The following HEATR6 variants were observed in gnomAD, a reference collection of about 807,000 sequenced individuals.
HEATR6 encodes HEAT repeat-containing protein 6.
A neutral mutation model predicts 132.8 loss-of-function variants in HEATR6; 106 were observed. That is an observed-to-expected ratio of 0.80 (90% CI 0.68 to 0.94). HEATR6 has a LOEUF of 0.94. Ranked by LOEUF, HEATR6 falls within the 40% of genes least tolerant of loss-of-function variation. The pLI is 0.00. For missense variants in HEATR6, 1,339 were observed against 1,425.1 expected, an observed-to-expected ratio of 0.94 and a Z score of 0.97; for synonymous variants, 529 against 537.8, an observed-to-expected ratio of 0.98 and a Z score of 0.23.
chr17:60,044,113 T>C lies in HEATR6; in HGVS notation c.2996A>G (p.Gln999Arg), dbSNP rs370233795. The change falls in exon 20 of 20, where the codon CAG (glutamine) becomes CGG (arginine). Residue 999 changes from glutamine (Q) to arginine (R), a missense_variant. Coordinates refer to ENST00000184956, the MANE Select transcript of HEATR6 (RefSeq NM_022070.5). The part of the protein sequence containing the change: ...LPLGTAPWTS[Q>R]AYNALTSVVT... ...GACCGATGTCAGGGCATTGTAGGCC[T>C]GGGAGGTCCATGGGGCTGTCCCTAG... 74 of 1,611,640 alleles carry C rather than the reference T, an allele frequency of 4.6e-5. No individual in the cohort carries two copies. Among genetic ancestry groups the C allele is most frequent in the Non-Finnish European group, 5.6e-5 (66 of 1,178,736 alleles).
At chr17:60,065,651 A>G (rs1175232136) in intron 9 of HEATR6, among the ~76,000 whole-genome samples, 1 of 152,202 alleles carries the variant, frequency 6.6e-6, no homozygotes, top group Non-Finnish European at 1.5e-5. Flanking sequence ...TCTTCTTTTT[A>G]AAAATAAGTT....
intron 7 of HEATR6, 24 bp from the exon 8 acceptor site, chr17:60,067,756 CAT>C (rs2083249941): frequency 6.3e-7 from 1 of 1,577,918 alleles, no homozygotes; most frequent in African/African-American, 1.4e-5. Flanking sequence ...CAAATGAAGA[CAT>C]ATATAATAAC....
chr17:60,067,764 A>T (rs780269650), intron 7 of HEATR6, 32 bp from the exon 8 acceptor site: 12 of 1,549,340 alleles, frequency 7.7e-6, no homozygotes, highest in Admixed American at 1.9e-5. Context: ...GACATATATA[A>T]TAACTACTTC....
intron 2 of HEATR6, 131 bp from the exon 3 acceptor site, chr17:60,074,017 G>A: frequency 7.1e-7 from 1 of 1,415,498 alleles, no homozygotes; most frequent in Non-Finnish European, 9.2e-7. Context: ...GTGTCAAAAG[G>A]ATCACCTCTA....
At chr17:60,050,569 A>C (rs1906543374) in intron 15 of HEATR6, among the ~76,000 whole-genome samples, 1 of 152,198 alleles carries the variant, frequency 6.6e-6, no homozygotes, top group African/African-American at 2.4e-5. Flanking sequence ...TTTGGATATG[A>C]AATCTTCCTG....
intron 7 of HEATR6, 145 bp from the exon 8 acceptor site, chr17:60,067,877 T>A: frequency 3.0e-6 from 2 of 656,546 alleles, no homozygotes; most frequent in Non-Finnish European, 2.5e-6. Context: ...GAAAAAAGTG[T>A]AACTTCATTA....
In HEATR6 at chr17:60,057,217, T is replaced by C. The variant is rs976693030; in HGVS notation, c.1910A>G (p.Glu637Gly). Residue 637 changes from glutamate (E) to glycine (G), a missense_variant, in exon 12 of 20, where the codon GAA becomes GGA. Coordinates refer to ENST00000184956, the MANE Select transcript of HEATR6 (RefSeq NM_022070.5). ...CTTAGGTGAGCTAACTGACGTTTCTTCCAGAGAGGGTCCTGCAGGGGCTTT... is the reference window on the plus strand; with the variant it reads ...CTTAGGTGAGCTAACTGACGTTTCTCCCAGAGAGGGTCCTGCAGGGGCTTT... ...WKKAPAGPSL[E>G]ETSVSSPKGS... is the part of the protein sequence containing the mutation. The C allele has an allele frequency of 3.1e-6, 5 of 1,614,168 alleles. No individual in the cohort carries two copies. The highest frequency in any genetic ancestry group is 1.7e-5 in the Admixed American group (1 of 60,016).
chr17:60,060,998 T>C (rs890842271), intron 9 of HEATR6, among the ~76,000 whole-genome samples: 1 of 152,140 alleles, frequency 6.6e-6, no homozygotes, highest in African/African-American at 2.4e-5. Context: ...TTTTGTAGTA[T>C]TAGAAAGGAA....
chr17:60,053,856 G>A (rs1906659372), intron 14 of HEATR6, among the ~76,000 whole-genome samples: 1 of 152,196 alleles, frequency 6.6e-6, no homozygotes, highest in Non-Finnish European at 1.5e-5. Context: ...ATGACTTAAA[G>A]TTGGAACTTA....
Position 60,059,410 on chromosome 17 carries a change from G to A in HEATR6, c.1723+12C>T, listed in dbSNP as rs1390956948. The A allele has an allele frequency of 6.5e-7, 1 of 1,545,912 alleles. No individual in the cohort carries two copies. The highest frequency in any genetic ancestry group is 8.9e-7 in the Non-Finnish European group (1 of 1,124,248). ...GATACAAAGAAGCCATCAGTTTTAA[G>A]CCACTACAAACCTTTGTGGCGAATA... is the stretch of plus-strand genomic sequence containing the variant. On this transcript the variant is annotated intron_variant, in intron 11 of 19. Coordinates refer to ENST00000184956, the MANE Select transcript of HEATR6 (RefSeq NM_022070.5).
At chr17:60,061,575 C>G (rs1402436972) in intron 9 of HEATR6, among the ~76,000 whole-genome samples, 1 of 152,214 alleles carries the variant, frequency 6.6e-6, no homozygotes, top group Non-Finnish European at 1.5e-5. Context: ...CACAACCACC[C>G]AACTCTGTGA....
Position 60,043,395 on chromosome 17 carries a change from C to T in HEATR6, c.*168G>A. On this transcript the variant is annotated 3_prime_UTR_variant, in exon 20 of 20. Coordinates refer to ENST00000184956, the MANE Select transcript of HEATR6 (RefSeq NM_022070.5). Reference sequence around the variant, plus strand: ...GACCATGGCCAGTGCTATGGAGTCACTCCAAAGGTGGTTGAGCCCTCTGTG... The same window carrying T: ...GACCATGGCCAGTGCTATGGAGTCATTCCAAAGGTGGTTGAGCCCTCTGTG... 1.6e-6 allele frequency: 1 copy of T among 633,192 alleles called. No individual in the cohort carries two copies. The highest frequency in any genetic ancestry group is 2.7e-6 in the Non-Finnish European group (1 of 365,024). 39.2% of individuals were successfully genotyped at this position (633,192 alleles called of 1,614,324 possible).
intron 11 of HEATR6, among the ~76,000 whole-genome samples, chr17:60,058,773 G>T (rs1180078471): frequency 1.3e-5 from 2 of 152,174 alleles, no homozygotes; most frequent in Non-Finnish European, 1.5e-5. Context: ...CTATGTCACA[G>T]AAAACATCCA....
intron 7 of HEATR6, among the ~76,000 whole-genome samples, chr17:60,069,018 G>T (rs1229274137): frequency 6.6e-6 from 1 of 152,230 alleles, no homozygotes; most frequent in Non-Finnish European, 1.5e-5. Context: ...GAGTGAATGA[G>T]TGAAATAATT....
intron 10 of HEATR6, 123 bp downstream of exon 10, chr17:60,059,767 T>A: frequency 6.6e-6 from 5 of 759,678 alleles, no homozygotes. Flanking sequence ...TTCCAAATAG[T>A]GTATTTTTAA....
chr17:60,056,060 G>C, intron 13 of HEATR6, 55 bp downstream of exon 13: 3 of 1,576,010 alleles, frequency 1.9e-6, no homozygotes, highest in Non-Finnish European at 2.6e-6. Context: ...GTGAAGAAAA[G>C]GAAGGATATA....
intron 6 of HEATR6, among the ~76,000 whole-genome samples, chr17:60,070,456 T>C (rs970192079): frequency 1.3e-5 from 2 of 152,198 alleles, no homozygotes; most frequent in Non-Finnish European, 2.9e-5. Context: ...CTATAGGTCA[T>C]ACTCCCCTAC....
Position 60,067,460 on chromosome 17 carries a change from A to T in HEATR6, c.1212T>A (p.Ala404=). The change falls in exon 8 of 20, where the codon GCT becomes GCA. Residue 404 remains alanine, a synonymous_variant. Transcript: ENST00000184956. ...VSSSESDFSD[A]EGGMQSKMRS... ...TCATTTTACTCTGCATGCCTCCTTC[A>T]GCATCAGAAAAGTCTGACTCACTAC... The T allele has an allele frequency of 6.4e-7, 1 of 1,561,962 alleles. No homozygotes were observed. The highest frequency in any genetic ancestry group is 8.6e-7 in the Non-Finnish European group (1 of 1,158,640).
chr17:60,067,591 G>A lies in HEATR6; in HGVS notation c.1081C>T (p.Pro361Ser), dbSNP rs200008206. ...VNLHEGNTWC[P>S]SSLGVQSLPL... is the part of the protein sequence containing the mutation. ...AAACTCTGGACACCCAGGGAGGAGG[G>A]ACACCAAGTGTTCCCTTCATGCAGG... Residue 361 changes from proline (P) to serine (S), a missense_variant, in exon 8 of 20, where the codon CCC (proline) becomes TCC (serine). By Grantham distance (74) the Pro-to-Ser change is moderately conservative. Transcript: ENST00000184956. 32 of 1,612,876 alleles carry A rather than the reference G, an allele frequency of 2.0e-5. No homozygotes were observed. The Admixed American group carries it at 5.2e-4, about 26-fold the overall frequency.
Sources: allele counts gnomAD v4.1 joint callset (sites outside exome capture counted in the v4.1 genomes callset), GRCh38; gene constraint gnomAD v4.1.1; transcripts MANE v1.5; gene names NCBI Gene and HGNC (gene_info 2026-07-23, HGNC 2026-07-21).